DLGAP4: variants seen among roughly 807,000 people sequenced by gnomAD.
DLGAP4 encodes the protein DLG associated protein 4.
DLGAP4 carries 18 observed loss-of-function variants against 86.9 expected under a neutral mutation model. The ratio of observed to expected loss-of-function variants is 0.21; its 90% CI spans 0.14 to 0.31. The LOEUF (loss-of-function observed/expected upper bound fraction) is 0.31, where lower values mean the gene tolerates loss of function less well. Ranked by LOEUF, DLGAP4 falls within the 10% of genes least tolerant of loss-of-function variation. DLGAP4 has a pLI of 1.00. For missense variants in DLGAP4, 1,085 were observed against 1,362.6 expected (o/e 0.80, Z 3.21); for synonymous variants, 548 against 574.3 (o/e 0.95, Z 0.65).
intron 2 of DLGAP4, among the ~76,000 whole-genome samples, chr20:36,430,578 G>A (rs1489267883): frequency 6.6e-6 from 1 of 150,652 alleles, no homozygotes; most frequent in Non-Finnish European, 1.5e-5. Flanking sequence ...AGCACTTTGG[G>A]AGACCAAGGC....
intron 2 of DLGAP4, among the ~76,000 whole-genome samples, chr20:36,375,835 C>G (rs1340502863): frequency 6.6e-6 from 1 of 152,140 alleles, no homozygotes; most frequent in Non-Finnish European, 1.5e-5. Context: ...AAGGCCTCAA[C>G]TGTTGGGCTG....
chr20:36,311,080 G>A (rs999799429), intron 1 of DLGAP4, among the ~76,000 whole-genome samples: 1 of 152,166 alleles, frequency 6.6e-6, no homozygotes, highest in African/African-American at 2.4e-5. Context: ...TGTGCAGCAC[G>A]TGCAGTACTC....
At chr20:36,313,195 A>G (rs2065068299) in intron 1 of DLGAP4, among the ~76,000 whole-genome samples, 1 of 152,088 alleles carries the variant, frequency 6.6e-6, no homozygotes, top group Non-Finnish European at 1.5e-5. Context: ...GACTGCGTGC[A>G]GTGACGCAGC....
chr20:36,336,896 G>T (rs1195456352), intron 1 of DLGAP4, among the ~76,000 whole-genome samples: 1 of 152,230 alleles, frequency 6.6e-6, no homozygotes, highest in Non-Finnish European at 1.5e-5. Context: ...AGACCCCAGA[G>T]GGGCCCCCAG....
At chr20:36,503,350 A>G (rs1006661762) in intron 10 of DLGAP4, among the ~76,000 whole-genome samples, 2 of 152,028 alleles carry the variant, frequency 1.3e-5, no homozygotes, top group Non-Finnish European at 2.9e-5. Context: ...GAACATGTTC[A>G]TTGCCCCAAA....
chr20:36,332,430 C>T (rs2065278772), intron 1 of DLGAP4, among the ~76,000 whole-genome samples: 2 of 152,068 alleles, frequency 1.3e-5, no homozygotes, highest in Non-Finnish European at 1.5e-5. Flanking sequence ...CACTCTGTTG[C>T]TCAGGTTGGA....
Position 36,496,729 on chromosome 20 carries a change from A to G in DLGAP4, c.1673A>G (p.Lys558Arg). 1 of 1,607,704 alleles carries G rather than the reference A, an allele frequency of 6.2e-7. No homozygotes were observed. The highest frequency in any genetic ancestry group is 1.1e-5 in the South Asian group (1 of 91,014). ...GGTTCATCATGCCTAGTGGCGTATA[A>G]GAAGACCCCGCCACCGGTCCCTCCA... ...LPSSSCLVAY[K>R]KTPPPVPPRT... The change falls in exon 8 of 13, where the codon AAG (lysine) becomes AGG (arginine). Residue 558 changes from lysine to arginine, a missense_variant. By Grantham distance (26) the Lys-to-Arg change is conservative (BLOSUM62 2). Transcript: ENST00000339266.
chr20:36,331,407 A>G (rs1388194078), intron 1 of DLGAP4, among the ~76,000 whole-genome samples: 2 of 152,218 alleles, frequency 1.3e-5, no homozygotes, highest in Admixed American at 6.5e-5. Context: ...CAACATGGGA[A>G]CATTAATCCA....
At chr20:36,453,849 C>T (rs2033805199) in intron 7 of DLGAP4, among the ~76,000 whole-genome samples, 1 of 144,648 alleles carries the variant, frequency 6.9e-6, no homozygotes, top group African/African-American at 2.6e-5. Context: ...AGAAGAATCG[C>T]TTGAACCCAG....
chr20:36,356,343 G>T lies in DLGAP4; in HGVS notation c.-303-10702G>T, dbSNP rs560830891. Reference sequence around the variant, plus strand: ...TTTGTTTGTTTTGAGACGGAGTCTCGCTCTGTCACCCAGGCTGGAGTGCAA... The same window carrying T: ...TTTGTTTGTTTTGAGACGGAGTCTCTCTCTGTCACCCAGGCTGGAGTGCAA... On this transcript the variant is annotated intron_variant, in intron 1 of 12. Coordinates refer to ENST00000339266, the MANE Select transcript of DLGAP4 (RefSeq NM_001365621.2). 1.3e-4 allele frequency among the ~76,000 whole-genome samples: 20 copies of T among 152,184 alleles called. No homozygotes were observed. In the South Asian group the frequency reaches 3.7e-3, roughly 28 times the overall value.
At chr20:36,522,157 CT>C (rs754153542) in intron 10 of DLGAP4, among the ~76,000 whole-genome samples, 22 of 152,194 alleles carry the variant, frequency 1.4e-4, no homozygotes, top group Non-Finnish European at 2.6e-4. Context: ...CACACTCTTT[CT>C]TTTTTGTTTT....
At position 36,350,131 on chromosome 20, in the gene DLGAP4, T is replaced by C. The variant is rs1555893361; in HGVS notation, c.-303-16914T>C. Among the ~76,000 whole-genome samples the C allele has an allele frequency of 1.3e-5, 2 of 152,146 alleles. No individual in the cohort carries two copies. Among genetic ancestry groups the C allele is most frequent in the African/African-American group, 4.8e-5 (2 of 41,436 alleles). On this transcript the variant is annotated intron_variant, in intron 1 of 12. Transcript: ENST00000339266. The surrounding 1 kb of genome is among the most constrained non-coding windows in gnomAD (Gnocchi z 4.4). The stretch of plus-strand genomic sequence containing the variant: ...AGACATGTATCTAGAGGAGGTGCCA[T>C]GGGGACAGGACGGGGATCTGCACAG...
intron 10 of DLGAP4, chr20:36,507,568 G>A (rs1322388453): frequency 3.9e-5 from 6 of 152,150 alleles, no homozygotes. Flanking sequence ...AAATCTGTGA[G>A]GAACTCCACC....
At chr20:36,467,466 A>C (rs1171759122) in intron 7 of DLGAP4, among the ~76,000 whole-genome samples, 3 of 152,218 alleles carry the variant, frequency 2.0e-5, no homozygotes, top group Admixed American at 1.3e-4. Context: ...GGTTGTAGGC[A>C]GTGTTAAACA....
At chr20:36,327,172 G>A (rs918030985) in intron 1 of DLGAP4, among the ~76,000 whole-genome samples, 3 of 151,762 alleles carry the variant, frequency 2.0e-5, no homozygotes, top group African/African-American at 7.3e-5. Context: ...GCTAGTGTTT[G>A]TATTTTTAGT....
Position 36,490,830 on chromosome 20 carries a change from G to A in DLGAP4, c.1649-5875G>A, listed in dbSNP as rs570966101. ...GGTTGCTGTGTCCTCCGCATCCCTC[G>A]GGAAATGGAGTCACAGCCACTCCTG... On this transcript the variant is annotated intron_variant, in intron 7 of 12. Coordinates refer to ENST00000339266, the MANE Select transcript of DLGAP4 (RefSeq NM_001365621.2). 9.0e-4 allele frequency among the ~76,000 whole-genome samples: 137 copies of A among 152,246 alleles called. 1 individual carries two copies. In the South Asian group the frequency reaches 0.027, roughly 30 times the overall value.
chr20:36,440,412 G>A (rs2033414292), intron 5 of DLGAP4, among the ~76,000 whole-genome samples: 1 of 152,146 alleles, frequency 6.6e-6, no homozygotes, highest in Non-Finnish European at 1.5e-5. Context: ...GAACCTCTGT[G>A]CCACCTACTC....
At chr20:36,338,454 C>T (rs1299466866) in intron 1 of DLGAP4, among the ~76,000 whole-genome samples, 1 of 152,208 alleles carries the variant, frequency 6.6e-6, no homozygotes, top group Non-Finnish European at 1.5e-5. Flanking sequence ...TGCCTGTAAT[C>T]CCAGCTACTC....
chr20:36,447,904 G>GGA (rs1555903967), intron 7 of DLGAP4, among the ~76,000 whole-genome samples: 1 of 131,592 alleles, frequency 7.6e-6, no homozygotes, highest in Admixed American at 7.6e-5. Flanking sequence ...AGGGGGGTGG[G>GGA]GGGGGGGGAG....
Sources: gnomAD v4.1 joint callset for allele counts (sites outside exome capture counted in the v4.1 genomes callset) on GRCh38, gnomAD v4.1.1 for gene constraint, Gnocchi (gnomAD v3.1) non-coding constraint, MANE v1.5 for transcripts, NCBI Gene and HGNC (gene_info 2026-07-23, HGNC 2026-07-21) for gene names.